Variants in SLCO6A1 observed in about 807,000 individuals in gnomAD.
The protein encoded by SLCO6A1 is solute carrier organic anion transporter family member 6A1, also known as cancer/testis antigen 48.
A neutral mutation model predicts 72.7 loss-of-function variants in SLCO6A1; 65 were observed. The observed-to-expected ratio is 0.89, with a 90% CI of 0.73 to 1.10. SLCO6A1 has a LOEUF of 1.10. Among genes scored for constraint, SLCO6A1 ranks in the 50% least tolerant of loss-of-function variants. The pLI is 0.00. For missense variants in SLCO6A1, 874 were observed against 872.6 expected, an observed-to-expected ratio of 1.00 and a Z score of -0.02; for synonymous variants, 314 against 298.2, an observed-to-expected ratio of 1.05 and a Z score of -0.55.
At chr5:102,462,890 C>T (rs576815212) in intron 4 of SLCO6A1, among the ~76,000 whole-genome samples, 1 of 152,020 alleles carries the variant, frequency 6.6e-6, no homozygotes, top group Non-Finnish European at 1.5e-5. Flanking sequence ...GAACAAGAAT[C>T]CCAAAGCAAA....
intron 12 of SLCO6A1, among the ~76,000 whole-genome samples, chr5:102,380,167 C>A (rs1392770640): frequency 2.0e-5 from 3 of 151,708 alleles, no homozygotes; most frequent in African/African-American, 7.3e-5. Flanking sequence ...AAGTGTTGAG[C>A]CATATATTTA....
At chr5:102,431,744 A>G (rs1400649503) in intron 7 of SLCO6A1, among the ~76,000 whole-genome samples, 1 of 152,168 alleles carries the variant, frequency 6.6e-6, no homozygotes, top group Non-Finnish European at 1.5e-5. Context: ...GATGCCTCTC[A>G]GGTCTATTTG....
At chr5:102,437,438 C>A (rs1749602149) in intron 7 of SLCO6A1, among the ~76,000 whole-genome samples, 1 of 151,984 alleles carries the variant, frequency 6.6e-6, no homozygotes, top group Non-Finnish European at 1.5e-5. Flanking sequence ...TTGAGGGAGT[C>A]AATACTGCAT....
chr5:102,498,599 A>G lies in SLCO6A1; in HGVS notation c.246T>C (p.Asp82=). 1.2e-5 allele frequency: 19 copies of G among 1,614,236 alleles called. No individual in the cohort carries two copies. The highest frequency in any genetic ancestry group is 1.6e-5 in the Non-Finnish European group (19 of 1,180,048). Residue 82 remains aspartate (D), a synonymous_variant, in exon 1 of 14, where the codon GAT becomes GAC. Transcript: ENST00000506729. ...SSVSKKPGEV[D]DSLEQPCGLG... Reference sequence around the variant, plus strand: ...AACCACAGGGCTGCTCCAAACTGTCATCCACTTCTCCCGGCTTCTTGGAAA... The same window carrying G: ...AACCACAGGGCTGCTCCAAACTGTCGTCCACTTCTCCCGGCTTCTTGGAAA...
At chr5:102,387,617 A>G (rs1746487814) in intron 12 of SLCO6A1, among the ~76,000 whole-genome samples, 1 of 151,762 alleles carries the variant, frequency 6.6e-6, no homozygotes, top group Non-Finnish European at 1.5e-5. Flanking sequence ...TGAATACTTG[A>G]CTTCGGAATT....
Position 102,454,661 on chromosome 5 carries a change from CT to C in SLCO6A1, c.1131+3720del, listed in dbSNP as rs149894194. Among the ~76,000 whole-genome samples the C allele has an allele frequency of 2.0e-4, 30 of 147,218 alleles. No homozygotes were observed. In the South Asian group the frequency reaches 3.9e-3, roughly 19 times the overall value. On this transcript the variant is annotated intron_variant, in intron 6 of 13. Transcript: ENST00000506729. ...AGTAAGAAGAATTGGAATTGGCTTG[CT>C]TTTTTTTTTCTTTTCTGGCAGTAAA...
intron 3 of SLCO6A1, among the ~76,000 whole-genome samples, chr5:102,476,629 C>A (rs1344394379): frequency 6.6e-6 from 1 of 152,030 alleles, no homozygotes; most frequent in Non-Finnish European, 1.5e-5. Flanking sequence ...CTATCCAATT[C>A]ATGTATTAGA....
At chr5:102,389,670 A>AT (rs1746639578) in intron 11 of SLCO6A1, among the ~76,000 whole-genome samples, 1 of 151,678 alleles carries the variant, frequency 6.6e-6, no homozygotes, top group Non-Finnish European at 1.5e-5. Context: ...ACTACTATTC[A>AT]TTTTTTCCAT....
intron 6 of SLCO6A1, among the ~76,000 whole-genome samples, chr5:102,442,571 T>C (rs1749894954): frequency 6.6e-6 from 1 of 152,228 alleles, no homozygotes; most frequent in South Asian, 2.1e-4. Context: ...TTAGCGTGCC[T>C]TGAATTATCT....
At chr5:102,399,486 C>T in intron 10 of SLCO6A1, 69 bp downstream of exon 10, 3 of 1,061,712 alleles carry the variant, frequency 2.8e-6, no homozygotes, top group Non-Finnish European at 3.7e-6. Context: ...CTACAATATT[C>T]TAAAATCTTT....
chr5:102,475,028 G>A (rs889888804), intron 4 of SLCO6A1, among the ~76,000 whole-genome samples: 5 of 152,012 alleles, frequency 3.3e-5, no homozygotes, highest in South Asian at 4.1e-4. Context: ...AAAGTTTTTC[G>A]AAAAAATAAA....
At chr5:102,430,023 C>T (rs1052300344) in intron 7 of SLCO6A1, among the ~76,000 whole-genome samples, 4 of 151,760 alleles carry the variant, frequency 2.6e-5, no homozygotes, top group Admixed American at 6.6e-5. Context: ...TGTAAATTCC[C>T]GGGTTAGCTG....
intron 8 of SLCO6A1, among the ~76,000 whole-genome samples, chr5:102,418,849 G>T (rs1280210778): frequency 6.6e-6 from 1 of 151,990 alleles, no homozygotes; most frequent in Non-Finnish European, 1.5e-5. Flanking sequence ...TGGGATTTCT[G>T]CTTGATTTTA....
chr5:102,477,619 C>T (rs1398924125), intron 3 of SLCO6A1, 57 bp downstream of exon 3: 1 of 1,493,718 alleles, frequency 6.7e-7, no homozygotes, highest in East Asian at 2.3e-5. Context: ...GATATGCATA[C>T]CAAAATTCAA....
Position 102,420,484 on chromosome 5 carries a change from C to A in SLCO6A1, c.1277-463G>T, listed in dbSNP as rs750090192. 2.6e-5 allele frequency among the ~76,000 whole-genome samples: 4 copies of A among 152,194 alleles called. No individual in the cohort carries two copies. In the East Asian group the frequency reaches 7.7e-4, roughly 29 times the overall value. On this transcript the variant is annotated intron_variant, in intron 7 of 13. Coordinates refer to ENST00000506729, the MANE Select transcript of SLCO6A1 (RefSeq NM_173488.5). ...TGAATGAACGTTCAATATTAATAAT[C>A]TCACAACAAAGTGGGACTCTAGAAG...
chr5:102,481,019 T>C (rs966472760), intron 1 of SLCO6A1, among the ~76,000 whole-genome samples: 2 of 152,200 alleles, frequency 1.3e-5, no homozygotes, highest in Non-Finnish European at 2.9e-5. Flanking sequence ...TTTCTATCAC[T>C]CAACATCCAA....
intron 2 of SLCO6A1, 111 bp from the exon 3 acceptor site, chr5:102,477,972 T>C (rs1473000926): frequency 3.0e-6 from 3 of 1,016,464 alleles, no homozygotes; most frequent in Non-Finnish European, 2.9e-6. Context: ...TATGCTTTTT[T>C]CTTTTAGTTA....
intron 12 of SLCO6A1, among the ~76,000 whole-genome samples, chr5:102,378,424 A>G (rs972291563): frequency 2.0e-5 from 3 of 152,080 alleles, no homozygotes; most frequent in South Asian, 2.1e-4. Flanking sequence ...ATAAGCCACC[A>G]TGCCTGGCCA....
intron 6 of SLCO6A1, among the ~76,000 whole-genome samples, chr5:102,454,205 G>T (rs1750582285): frequency 6.6e-6 from 1 of 152,058 alleles, no homozygotes; most frequent in African/African-American, 2.4e-5. Flanking sequence ...CTCAAAACTA[G>T]ATCAACCACC....
Sources: gnomAD v4.1 joint callset for allele counts (sites outside exome capture counted in the v4.1 genomes callset) on GRCh38, gnomAD v4.1.1 for gene constraint, MANE v1.5 for transcripts, NCBI Gene and HGNC (gene_info 2026-07-23, HGNC 2026-07-21) for gene names.